The following AXDND1 variants were observed in gnomAD, a reference collection of about 807,000 sequenced individuals.
AXDND1 encodes axonemal dynein light chain domain-containing protein 1.
Under a neutral mutation model 137.5 loss-of-function variants are expected in AXDND1, and 110 were observed. The ratio of observed to expected loss-of-function variants is 0.80; its 90% CI spans 0.69 to 0.94. AXDND1 has a LOEUF of 0.94. AXDND1 is among the 40% of genes least tolerant of loss of function. The pLI is 0.00. For missense variants in AXDND1, 1,191 were observed against 1,169.8 expected, an observed-to-expected ratio of 1.02 and a Z score of -0.26; for synonymous variants, 414 against 399.7, an observed-to-expected ratio of 1.04 and a Z score of -0.43.
chr1:179,549,988 C>G (rs1393140324), intron 25 of AXDND1, among the ~76,000 whole-genome samples: 1 of 152,012 alleles, frequency 6.6e-6, no homozygotes, highest in Non-Finnish European at 1.5e-5. Context: ...TTTCTGACAC[C>G]ATACTCCTGG....
intron 19 of AXDND1, among the ~76,000 whole-genome samples, chr1:179,491,988 C>G (rs72704427): frequency 1.3e-5 from 2 of 152,124 alleles, no homozygotes; most frequent in Admixed American, 6.6e-5. Flanking sequence ...AAAGGACTCA[C>G]TTTCTTGCAT....
chr1:179,407,390 G>A (rs952867011), intron 11 of AXDND1, among the ~76,000 whole-genome samples: 10 of 151,928 alleles, frequency 6.6e-5, no homozygotes, highest in Admixed American at 3.9e-4. Context: ...ACCATGACCG[G>A]CTAATTTTTG....
chr1:179,492,767 A>G (rs1667057302), intron 19 of AXDND1, 88 bp from the exon 20 acceptor site: 1 of 824,928 alleles, frequency 1.2e-6, no homozygotes, highest in African/African-American at 1.7e-5. Flanking sequence ...TAAAATTTTA[A>G]ACACTTAGAA....
chr1:179,438,655 C>T (rs887512687), intron 15 of AXDND1, among the ~76,000 whole-genome samples: 4 of 152,126 alleles, frequency 2.6e-5, no homozygotes, highest in Admixed American at 6.6e-5. Context: ...AACAGGAATC[C>T]GTAGCCCAGG....
Position 179,447,660 on chromosome 1 carries a change from G to T in AXDND1, c.1798+2456G>T, listed in dbSNP as rs1478786159. ...CAACTCGAAGATCTGGTTTTCCACT[G>T]TTCATTCCAAGATTACTGCCACCTG... On this transcript the variant is annotated intron_variant, in intron 16 of 25. Transcript: ENST00000367618. 4 of 1,344,952 alleles carry T rather than the reference G, an allele frequency of 3.0e-6. No homozygotes were observed. The African/African-American group carries it at 4.3e-5, about 14-fold the overall frequency. The allele number at this position is 1,344,952 out of a possible 1,614,324, so 83.3% of individuals were successfully genotyped here.
chr1:179,523,600 T>C (rs115171784), intron 21 of AXDND1, among the ~76,000 whole-genome samples: 2,259 of 152,284 alleles, frequency 0.015, 63 homozygotes, highest in African/African-American at 0.052. Context: ...ATTTGCCTAT[T>C]CTGGACATGT....
At chr1:179,546,072 T>C (rs1451680531) in intron 25 of AXDND1, 1 of 152,204 alleles carries the variant, frequency 6.6e-6, no homozygotes, top group Non-Finnish European at 1.5e-5. Context: ...ACCAATCATT[T>C]ATTTCATCCT....
At chr1:179,431,212 G>A (rs540759443) in intron 14 of AXDND1, among the ~76,000 whole-genome samples, 81 of 152,144 alleles carry the variant, frequency 5.3e-4, no homozygotes, top group African/African-American at 1.8e-3. Context: ...CGCAATCTTG[G>A]CTCACTGCTG....
chr1:179,520,677 G>T (rs1669966358), intron 21 of AXDND1, among the ~76,000 whole-genome samples: 1 of 151,612 alleles, frequency 6.6e-6, no homozygotes, highest in Non-Finnish European at 1.5e-5. Flanking sequence ...ACATGTTTAT[G>T]ATGCTGAATT....
rs772429676 is a variant in AXDND1 at position 179,385,296 on chromosome 1, A to T, written c.800A>T (p.His267Leu). 3.1e-6 allele frequency: 5 copies of T among 1,613,322 alleles called. No individual in the cohort carries two copies. The African/African-American group carries it at 4.0e-5, about 13-fold the overall frequency. ...KEQTIYNMIF[H>L]ELIRQVSVDC... is the part of the protein sequence containing the mutation. ...CAGACCATTTACAACATGATATTTC[A>T]TGAACTTATTCGACAAGTCAGTGTG... is the stretch of plus-strand genomic sequence containing the variant. Residue 267 changes from histidine to leucine, a missense_variant, in exon 9 of 26, where the codon CAT (histidine) becomes CTT (leucine). His to Leu is a moderately conservative substitution (Grantham distance 99). Transcript: ENST00000367618.
intron 12 of AXDND1, among the ~76,000 whole-genome samples, chr1:179,426,595 T>C (rs1056300658): frequency 3.9e-5 from 6 of 152,206 alleles, no homozygotes; most frequent in Admixed American, 3.9e-4. Flanking sequence ...CAAAAAGTCA[T>C]TCCATTCCTA....
intron 4 of AXDND1, among the ~76,000 whole-genome samples, chr1:179,376,864 C>A (rs1242411470): frequency 6.6e-6 from 1 of 152,114 alleles, no homozygotes; most frequent in Non-Finnish European, 1.5e-5. Flanking sequence ...ATTTGCTGAG[C>A]AAATTAATGA....
intron 21 of AXDND1, among the ~76,000 whole-genome samples, chr1:179,511,287 G>GTATA (rs113441523): frequency 6.7e-6 from 1 of 148,350 alleles, no homozygotes; most frequent in Non-Finnish European, 1.5e-5. Context: ...GGTAGTGTGT[G>GTATA]TATATATATA....
intron 16 of AXDND1, among the ~76,000 whole-genome samples, chr1:179,462,146 T>A (rs1014968619): frequency 3.9e-5 from 6 of 152,150 alleles, no homozygotes; most frequent in Non-Finnish European, 7.4e-5. Context: ...GAATGCTTCC[T>A]GTTTTTGCCC....
chr1:179,420,653 T>C (rs956917195), intron 12 of AXDND1, among the ~76,000 whole-genome samples: 1 of 151,438 alleles, frequency 6.6e-6, no homozygotes, highest in Non-Finnish European at 1.5e-5. Flanking sequence ...TTTTTTTTTT[T>C]CCATTTTCCC....
At chr1:179,448,115 T>A in intron 16 of AXDND1, 1 of 1,013,134 alleles carries the variant, frequency 9.9e-7, no homozygotes, top group South Asian at 1.3e-5. Flanking sequence ...TTAATTATTT[T>A]TCTTCTGTAT....
intron 25 of AXDND1, among the ~76,000 whole-genome samples, chr1:179,542,086 T>C (rs1448734414): frequency 6.6e-6 from 1 of 152,230 alleles, no homozygotes; most frequent in Admixed American, 6.5e-5. Context: ...TATTTTTTGG[T>C]ACGTGTTTGA....
chr1:179,499,482 G>T (rs572447248), intron 20 of AXDND1, among the ~76,000 whole-genome samples: 2 of 152,102 alleles, frequency 1.3e-5, no homozygotes, highest in African/African-American at 4.8e-5. Context: ...TGTAAAGGAG[G>T]GGGAGGAATG....
intron 17 of AXDND1, among the ~76,000 whole-genome samples, chr1:179,470,126 A>T (rs1663741091): frequency 6.6e-6 from 1 of 152,176 alleles, no homozygotes; most frequent in Non-Finnish European, 1.5e-5. Flanking sequence ...AAAATCAGTC[A>T]TGGATTTATT....
Sources: allele counts gnomAD v4.1 joint callset (sites outside exome capture counted in the v4.1 genomes callset), GRCh38; gene constraint gnomAD v4.1.1; transcripts MANE v1.5; gene names NCBI Gene and HGNC (gene_info 2026-07-23, HGNC 2026-07-21).